Variants in FHDC1 observed in about 807,000 individuals in gnomAD.
FHDC1 encodes FH2 domain-containing protein 1.
A neutral mutation model predicts 52.6 loss-of-function variants in FHDC1; 25 were observed. The ratio of observed to expected loss-of-function variants is 0.48; its 90% CI spans 0.35 to 0.66. The LOEUF (loss-of-function observed/expected upper bound fraction) is 0.66. Among genes scored for constraint, FHDC1 ranks in the 30% least tolerant of loss-of-function variants. The pLI is 0.01. For missense variants in FHDC1, 1,459 were observed against 1,452.8 expected (o/e 1.00, Z -0.07); for synonymous variants, 616 against 581.5 (o/e 1.06, Z -0.85).
the FHDC1 span, among the ~76,000 whole-genome samples, chr4:152,918,841 A>C: frequency 2.6e-5 from 4 of 152,226 alleles, no homozygotes; most frequent in African/African-American, 7.2e-5. Flanking sequence ...TGGTACTATC[A>C]AGTAGATTAT....
chr4:152,927,528 G>A, the FHDC1 span: 5 of 1,254,140 alleles, frequency 4.0e-6, no homozygotes, highest in Non-Finnish European at 4.7e-6. Context: ...TGCAAAAGGA[G>A]GCAAGAAGAA....
At chr4:152,922,661 G>C in the FHDC1 span, among the ~76,000 whole-genome samples, 1 of 152,156 alleles carries the variant, frequency 6.6e-6, no homozygotes, top group South Asian at 2.1e-4. Flanking sequence ...TATCCACCAT[G>C]ATCAAGTGGG....
chr4:152,942,876 G>A (rs1739612833), intron 1 of FHDC1, 52 bp from the exon 2 acceptor site: 2 of 633,380 alleles, frequency 3.2e-6, no homozygotes, highest in Non-Finnish European at 2.6e-6. Flanking sequence ...GGGAAATGCT[G>A]ATGCGAAACT....
At chr4:152,931,455 A>AACAC (rs56142204), upstream of FHDC1, among the ~76,000 whole-genome samples, 177 of 127,280 alleles carry the variant, frequency 1.4e-3, 1 homozygote, top group Middle Eastern at 4.0e-3. Flanking sequence ...CAGCCTCTAA[A>AACAC]ACACACACAC....
chr4:152,976,566 C>T lies in FHDC1; in HGVS notation c.3275C>T (p.Ala1092Val), dbSNP rs1351683852. The T allele has an allele frequency of 6.2e-7, 1 of 1,612,696 alleles. No individual in the cohort carries two copies. Among genetic ancestry groups the T allele is most frequent in the Non-Finnish European group, 8.5e-7 (1 of 1,179,618 alleles). The change falls in exon 12 of 12, where the codon GCC becomes GTC. Residue 1092 changes from alanine to valine, a missense_variant. Ala to Val is a moderately conservative substitution (Grantham distance 64). Around this residue, in one of 3 missense-constraint regions of FHDC1, gnomAD observed 939 missense variants for 854.5 expected, o/e 1.10. Transcript: ENST00000511601. Reference sequence around the variant, plus strand: ...AGCACTTTGAGGCGAGCCAGCAGTGCCCGGGCCCCCAAGAAGCGCCCAGAG... The same window carrying T: ...AGCACTTTGAGGCGAGCCAGCAGTGTCCGGGCCCCCAAGAAGCGCCCAGAG... ...DSSTLRRASS[A>V]RAPKKRPESA...
intron 4 of FHDC1, among the ~76,000 whole-genome samples, chr4:152,960,170 C>G (rs1043352231): frequency 6.6e-6 from 1 of 152,132 alleles, no homozygotes; most frequent in African/African-American, 2.4e-5. Flanking sequence ...ATTATAATGA[C>G]TCTACAGTCT....
In FHDC1 at chr4:152,975,218, A is replaced by G. The variant is rs936659351; in HGVS notation, c.1927A>G (p.Ser643Gly). The G allele has an allele frequency of 6.2e-7, 1 of 1,613,338 alleles. No individual in the cohort carries two copies. The highest frequency in any genetic ancestry group is 8.5e-7 in the Non-Finnish European group (1 of 1,180,022). Residue 643 changes from serine to glycine, a missense_variant, in exon 12 of 12, where the codon AGT becomes GGT. Ser to Gly is a moderately conservative substitution (Grantham distance 56). This residue lies in a region of FHDC1 where 939 missense variants were observed against 854.5 expected (regional missense o/e 1.10). Coordinates refer to ENST00000511601, the MANE Select transcript of FHDC1 (RefSeq NM_001371116.1). ...AFPRARRQGV[S>G]VLRKRYSEPV... Reference sequence around the variant, plus strand: ...CCCCAGAGCTCGGCGCCAGGGCGTCAGTGTCCTCCGAAAGAGGTACAGTGA... The same window carrying G: ...CCCCAGAGCTCGGCGCCAGGGCGTCGGTGTCCTCCGAAAGAGGTACAGTGA...
chr4:152,954,407 C>A, intron 4 of FHDC1, 88 bp downstream of exon 4: 1 of 1,084,374 alleles, frequency 9.2e-7, no homozygotes, highest in Non-Finnish European at 1.4e-6. Context: ...ACATGGAAGG[C>A]CAGGAGCAGT....
chr4:152,962,640 A>G (rs1740312914), intron 6 of FHDC1, among the ~76,000 whole-genome samples, 174 bp from the exon 7 acceptor site: 1 of 152,230 alleles, frequency 6.6e-6, no homozygotes, highest in African/African-American at 2.4e-5. Flanking sequence ...CCGGTAGCAA[A>G]TGATGTGTTA....
At chr4:152,970,279 G>A (rs920568815) in intron 10 of FHDC1, among the ~76,000 whole-genome samples, 9 of 152,340 alleles carry the variant, frequency 5.9e-5, no homozygotes, top group African/African-American at 1.9e-4. Context: ...AGTTAGAGAT[G>A]TAAGGTTGAC....
intron 6 of FHDC1, among the ~76,000 whole-genome samples, chr4:152,961,127 C>T (rs972912813): frequency 6.6e-5 from 10 of 152,166 alleles, no homozygotes; most frequent in African/African-American, 2.4e-4. Flanking sequence ...TGTTTCTCTC[C>T]TGGATGAGCT....
chr4:152,956,931 G>A (rs892099205), intron 4 of FHDC1, among the ~76,000 whole-genome samples: 13 of 151,620 alleles, frequency 8.6e-5, no homozygotes, highest in Non-Finnish European at 1.0e-4. Context: ...AAACCCTCCC[G>A]GGTATCTGTG....
chr4:152,918,328 G>C, the FHDC1 span: 1 of 152,324 alleles, frequency 6.6e-6, no homozygotes, highest in South Asian at 2.1e-4. Flanking sequence ...CCATTCACTA[G>C]TAGTGAACTA....
chr4:152,953,381 A>G (rs916101690), intron 2 of FHDC1, 118 bp from the exon 3 acceptor site: 1 of 741,230 alleles, frequency 1.3e-6, no homozygotes, highest in Non-Finnish European at 2.2e-6. Flanking sequence ...AGATTTATAC[A>G]TTGGGAATTA....
intron 4 of FHDC1, among the ~76,000 whole-genome samples, chr4:152,959,924 C>G (rs566012887): frequency 2.1e-4 from 28 of 134,798 alleles, no homozygotes; most frequent in Non-Finnish European, 4.1e-4. Context: ...CTGCCAGGGT[C>G]CCTGGGGGCA....
At chr4:152,970,697 C>T (rs1740614076) in intron 10 of FHDC1, among the ~76,000 whole-genome samples, 1 of 152,242 alleles carries the variant, frequency 6.6e-6, no homozygotes, top group Non-Finnish European at 1.5e-5. Flanking sequence ...TGAATGCACA[C>T]ACTGCCTTGG....
intron 10 of FHDC1, 72 bp downstream of exon 10, chr4:152,968,169 A>G: frequency 9.4e-7 from 1 of 1,059,356 alleles, no homozygotes; most frequent in Non-Finnish European, 1.4e-6. Flanking sequence ...TTAAATTTGC[A>G]TGGGTGTATT....
intron 4 of FHDC1, among the ~76,000 whole-genome samples, chr4:152,959,550 G>A (rs918398775): frequency 6.6e-6 from 1 of 152,220 alleles, no homozygotes; most frequent in African/African-American, 2.4e-5. Context: ...GCAGACAACT[G>A]TAATCCTATC....
At chr4:152,921,176 T>A in the FHDC1 span, among the ~76,000 whole-genome samples, 1 of 152,034 alleles carries the variant, frequency 6.6e-6, no homozygotes, top group Non-Finnish European at 1.5e-5. Context: ...TTTTACCTTA[T>A]TTCATAAATA....
Sources: allele counts gnomAD v4.1 joint callset (sites outside exome capture counted in the v4.1 genomes callset), GRCh38; gene constraint gnomAD v4.1.1; regional missense constraint gnomAD v4.1.1; transcripts MANE v1.5; gene names NCBI Gene and HGNC (gene_info 2026-07-23, HGNC 2026-07-21).